GTF2E2: variants seen among roughly 807,000 people sequenced by gnomAD.
GTF2E2 encodes general transcription factor IIE subunit 2.
A neutral mutation model predicts 40.5 loss-of-function variants in GTF2E2; 21 were observed. The observed-to-expected ratio is 0.52, with a 90% confidence interval of 0.37 to 0.75. The LOEUF (loss-of-function observed/expected upper bound fraction) is 0.75, where lower values mean the gene tolerates loss of function less well. GTF2E2 is among the 30% of genes least tolerant of loss of function. The pLI is 0.00. For synonymous variants in GTF2E2, 117 were observed against 121.6 expected (o/e 0.96, Z 0.25); for missense variants, 298 against 338.4 (o/e 0.88, Z 0.94).
At chr8:30,624,106 T>C (rs1399128823) in intron 3 of GTF2E2, among the ~76,000 whole-genome samples, 1 of 152,160 alleles carries the variant, frequency 6.6e-6, no homozygotes. Context: ...TCCTGAATAG[T>C]ATTGCCTAGG....
intron 2 of GTF2E2, among the ~76,000 whole-genome samples, chr8:30,640,076 C>T (rs1333082436): frequency 6.6e-6 from 1 of 152,164 alleles, no homozygotes; most frequent in Non-Finnish European, 1.5e-5. Context: ...CTATCATCAG[C>T]CTGCATTTTG....
chr8:30,595,881 A>G (rs1585944780), intron 6 of GTF2E2, among the ~76,000 whole-genome samples: 1 of 152,218 alleles, frequency 6.6e-6, no homozygotes, highest in African/African-American at 2.4e-5. Context: ...GAAAAAAGAA[A>G]AGAAGAGAAA....
intron 2 of GTF2E2, among the ~76,000 whole-genome samples, chr8:30,647,790 T>C (rs967521984): frequency 6.6e-6 from 1 of 152,246 alleles, no homozygotes; most frequent in Non-Finnish European, 1.5e-5. Context: ...TTCTTGGCAA[T>C]AGATGGTAAG....
At chr8:30,614,196 C>T (rs889379971) in intron 4 of GTF2E2, among the ~76,000 whole-genome samples, 5 of 152,168 alleles carry the variant, frequency 3.3e-5, no homozygotes, top group Admixed American at 3.3e-4. Context: ...ACCAACAAAT[C>T]AATCTTATAA....
chr8:30,598,223 C>A (rs1200477485), intron 6 of GTF2E2, among the ~76,000 whole-genome samples: 1 of 152,194 alleles, frequency 6.6e-6, no homozygotes, highest in Non-Finnish European at 1.5e-5. Flanking sequence ...ACACTTTCTA[C>A]CACTGCAAAA....
intron 6 of GTF2E2, chr8:30,585,168 A>G (rs536297423): frequency 6.5e-6 from 1 of 152,884 alleles, no homozygotes; most frequent in Non-Finnish European, 1.5e-5. Flanking sequence ...CCTGGGCAAC[A>G]AGAGCGAAAC....
intron 2 of GTF2E2, chr8:30,644,538 G>A (rs1417834314): frequency 6.6e-6 from 1 of 152,056 alleles, no homozygotes; most frequent in Non-Finnish European, 1.5e-5. Context: ...TTAAAGAAGG[G>A]GAAACAGGAG....
chr8:30,621,873 G>T (rs1317453758), intron 3 of GTF2E2, among the ~76,000 whole-genome samples: 3 of 151,976 alleles, frequency 2.0e-5, no homozygotes, highest in Non-Finnish European at 4.4e-5. Flanking sequence ...AACAAAAGGT[G>T]TGACAATTTG....
At chr8:30,613,687 T>C (rs1248449570) in intron 4 of GTF2E2, among the ~76,000 whole-genome samples, 1 of 152,222 alleles carries the variant, frequency 6.6e-6, no homozygotes, top group Non-Finnish European at 1.5e-5. Context: ...TCATGTTACA[T>C]TATAAAAGTC....
intron 6 of GTF2E2, among the ~76,000 whole-genome samples, chr8:30,586,014 C>T (rs1003120032): frequency 2.6e-5 from 4 of 151,996 alleles, no homozygotes; most frequent in African/African-American, 4.8e-5. Context: ...CCCAGTTTGA[C>T]GTTGTGAGCT....
intron 2 of GTF2E2, among the ~76,000 whole-genome samples, chr8:30,638,428 A>G (rs556260437): frequency 3.9e-5 from 6 of 152,324 alleles, no homozygotes; most frequent in African/African-American, 1.4e-4. Flanking sequence ...ATAAAGGAGA[A>G]GGGATGACAG....
chr8:30,614,296 T>C (rs1434086359), intron 4 of GTF2E2, among the ~76,000 whole-genome samples: 1 of 152,224 alleles, frequency 6.6e-6, no homozygotes, highest in Non-Finnish European at 1.5e-5. Context: ...TAAAACATTC[T>C]AGGCAAGGCG....
rs367608389 is a variant in GTF2E2 at position 30,612,377 on chromosome 8, C to T, written c.471G>A (p.Gln157=). 17 of 1,612,540 alleles carry T rather than the reference C, an allele frequency of 1.1e-5. No homozygotes were observed. The highest frequency in any genetic ancestry group is 1.4e-5 in the Non-Finnish European group (17 of 1,178,740). ...DKKALLRLLD[Q]HDQRGLGGIL... ...TTCCTCCTAATCCTCGCTGGTCATG[C>T]TGATCTAAGAGCCTAAGTAGGGCCT... Residue 157 remains glutamine (Q), a synonymous_variant, in exon 5 of 8, where the codon CAG becomes CAA. Transcript: ENST00000355904.
chr8:30,592,763 G>C (rs1828887529), intron 6 of GTF2E2, among the ~76,000 whole-genome samples: 1 of 152,162 alleles, frequency 6.6e-6, no homozygotes, highest in Non-Finnish European at 1.5e-5. Flanking sequence ...AATATTTTCA[G>C]TCTATAGTTG....
chr8:30,598,216 C>T (rs963806114), intron 6 of GTF2E2, among the ~76,000 whole-genome samples: 1 of 152,208 alleles, frequency 6.6e-6, no homozygotes, highest in African/African-American at 2.4e-5. Context: ...ATTCAATACA[C>T]TTTCTACCAC....
intron 1 of GTF2E2, among the ~76,000 whole-genome samples, chr8:30,655,385 C>T (rs922999341): frequency 6.6e-6 from 1 of 152,064 alleles, no homozygotes; most frequent in African/African-American, 2.4e-5. Flanking sequence ...TCTGCTAGAA[C>T]CCTACAGAGG....
At chr8:30,628,097 C>G (rs1340467625) in intron 3 of GTF2E2, among the ~76,000 whole-genome samples, 1 of 152,206 alleles carries the variant, frequency 6.6e-6, no homozygotes, top group East Asian at 1.9e-4. Flanking sequence ...CGAAAACCAC[C>G]TGGAAGAACT....
intron 2 of GTF2E2, among the ~76,000 whole-genome samples, chr8:30,639,768 T>C (rs551487098): frequency 6.9e-6 from 1 of 144,834 alleles, no homozygotes; most frequent in African/African-American, 2.7e-5. Context: ...AGGGTTTTTG[T>C]TTTTTTTTTC....
intron 6 of GTF2E2, among the ~76,000 whole-genome samples, chr8:30,599,580 C>CAAAA (rs11374248): frequency 8.8e-6 from 1 of 114,054 alleles, no homozygotes; most frequent in Non-Finnish European, 1.8e-5. Context: ...GTTTGTCTCA[C>CAAAA]AAAAAAAAAA....
Sources: allele counts gnomAD v4.1 joint callset (sites outside exome capture counted in the v4.1 genomes callset), GRCh38; gene constraint gnomAD v4.1.1; transcripts MANE v1.5; gene names NCBI Gene and HGNC (gene_info 2026-07-23, HGNC 2026-07-21).